Variants in CTNNA2 observed in about 807,000 individuals in gnomAD.
CTNNA2 encodes the protein catenin alpha 2.
Under a neutral mutation model 101.0 loss-of-function variants are expected in CTNNA2, and 42 were observed. The ratio of observed to expected loss-of-function variants is 0.42; its 90% CI spans 0.32 to 0.54. CTNNA2 has a LOEUF of 0.54. Among genes scored for constraint, CTNNA2 ranks in the 20% least tolerant of loss-of-function variants. The probability of loss-of-function intolerance (pLI) is 0.14; values close to 1 mark genes in which losing one functional copy is unlikely to be tolerated. For missense variants in CTNNA2, 871 were observed against 1,223.1 expected, an observed-to-expected ratio of 0.71 and a Z score of 4.29; for synonymous variants, 450 against 456.4, an observed-to-expected ratio of 0.99 and a Z score of 0.18.
intron 7 of CTNNA2, among the ~76,000 whole-genome samples, chr2:80,266,702 C>T (rs1010512623): frequency 7.2e-5 from 11 of 152,156 alleles, no homozygotes; most frequent in African/African-American, 2.7e-4. Flanking sequence ...GGCTGTACTT[C>T]ATCAGAAGAA....
chr2:79,624,745 G>A (rs987938016), intron 1 of CTNNA2, among the ~76,000 whole-genome samples: 1 of 152,158 alleles, frequency 6.6e-6, no homozygotes, highest in Non-Finnish European at 1.5e-5. Context: ...TAATCATAAA[G>A]CTTACACCCT....
intron 7 of CTNNA2, among the ~76,000 whole-genome samples, chr2:79,939,550 C>T (rs1688006163): frequency 6.6e-6 from 1 of 151,976 alleles, no homozygotes; most frequent in Non-Finnish European, 1.5e-5. Flanking sequence ...AATGCTGTTT[C>T]CTTTGGGAAT....
intron 1 of CTNNA2, among the ~76,000 whole-genome samples, chr2:79,645,511 A>G (rs532280930): frequency 6.6e-6 from 1 of 152,342 alleles, no homozygotes; most frequent in African/African-American, 2.4e-5. Context: ...CAGAGAAAAA[A>G]GCAATTCAGG....
At chr2:79,725,892 G>A (rs1397007809) in intron 2 of CTNNA2, among the ~76,000 whole-genome samples, 1 of 152,168 alleles carries the variant, frequency 6.6e-6, no homozygotes, top group Non-Finnish European at 1.5e-5. Flanking sequence ...TGAATGATGA[G>A]AGTCCACTGA....
intron 7 of CTNNA2, among the ~76,000 whole-genome samples, chr2:80,364,561 T>TC: frequency 7.6e-6 from 1 of 132,264 alleles, no homozygotes; most frequent in Non-Finnish European, 1.5e-5. Flanking sequence ...AAGTAATTTT[T>TC]TTTTTTTTTT....
intron 3 of CTNNA2, among the ~76,000 whole-genome samples, chr2:79,325,109 C>G (rs1676715952): frequency 6.6e-6 from 1 of 152,006 alleles, no homozygotes; most frequent in Admixed American, 6.6e-5. Context: ...AGGTTCAAAA[C>G]CTCCTAAAAT....
intron 7 of CTNNA2, among the ~76,000 whole-genome samples, chr2:80,246,282 T>C (rs1045792077): frequency 3.3e-5 from 5 of 152,196 alleles, no homozygotes; most frequent in Admixed American, 6.5e-5. Flanking sequence ...GAGGGAGTTA[T>C]TGAAAGCAGA....
At chr2:79,574,148 A>G (rs1011131644) in intron 1 of CTNNA2, 2 of 152,334 alleles carry the variant, frequency 1.3e-5, no homozygotes, top group African/African-American at 4.8e-5. Flanking sequence ...ATTCAATCCA[A>G]TGTTTCCTTT....
chr2:80,647,869 C>G lies in CTNNA2; in HGVS notation c.2859C>G (p.Phe953Leu). The G allele has an allele frequency of 6.3e-7, 1 of 1,581,090 alleles. No homozygotes were observed. The highest frequency in any genetic ancestry group is 8.6e-7 in the Non-Finnish European group (1 of 1,163,234). The change falls in exon 19 of 19, where the codon TTC (phenylalanine) becomes TTG (leucine). Residue 953 changes from phenylalanine (F) to leucine (L), a missense_variant. By Grantham distance (22) the Phe-to-Leu change is conservative. Transcript: ENST00000402739. ...GTGAATTCAAAGCAATGGATTCCTT[C>G]TAGGACGATAGGTTTTAACAAGAAA... Reference protein sequence around the residue: ...ALSEFKAMDSF With the variant: ...ALSEFKAMDSL
At chr2:79,340,874 A>ATGAG (rs1677121399) in intron 3 of CTNNA2, among the ~76,000 whole-genome samples, 1 of 147,674 alleles carries the variant, frequency 6.8e-6, no homozygotes, top group South Asian at 2.2e-4. Flanking sequence ...AAAGAAACAC[A>ATGAG]TGAGTACAGA....
At chr2:80,479,308 G>A (rs1685969070) in intron 9 of CTNNA2, among the ~76,000 whole-genome samples, 1 of 152,184 alleles carries the variant, frequency 6.6e-6, no homozygotes, top group African/African-American at 2.4e-5. Flanking sequence ...AGACATTTTT[G>A]GCTGCCGGAC....
intron 9 of CTNNA2, among the ~76,000 whole-genome samples, chr2:80,502,058 C>T (rs1687921055): frequency 6.6e-6 from 1 of 152,194 alleles, no homozygotes; most frequent in African/African-American, 2.4e-5. Flanking sequence ...GTCAGAGAGG[C>T]CTAGGATTGA....
chr2:79,569,635 C>T (rs1675338205), intron 1 of CTNNA2, among the ~76,000 whole-genome samples: 1 of 152,066 alleles, frequency 6.6e-6, no homozygotes, highest in Admixed American at 6.6e-5. Context: ...ATACCAGCGC[C>T]AAAAATGTAA....
At chr2:80,170,231 CTGTGTG>C (rs367680219) in intron 7 of CTNNA2, among the ~76,000 whole-genome samples, 4 of 147,464 alleles carry the variant, frequency 2.7e-5, no homozygotes, top group African/African-American at 1.0e-4. Flanking sequence ...CTCTCTCTCT[CTGTGTG>C]TGTGTGTGTG....
At chr2:79,888,512 A>C (rs1283354746) in intron 6 of CTNNA2, among the ~76,000 whole-genome samples, 2 of 152,226 alleles carry the variant, frequency 1.3e-5, no homozygotes, top group Non-Finnish European at 2.9e-5. Flanking sequence ...AATATTCCAA[A>C]ACAATTTACT....
rs547304516 is a variant in CTNNA2 at position 79,922,435 on chromosome 2, G to A, written c.1056+12638G>A. 3.7e-4 allele frequency among the ~76,000 whole-genome samples: 56 copies of A among 152,102 alleles called. No homozygotes were observed. The South Asian group carries it at 5.0e-3, about 14-fold the overall frequency. ...AAAATAGACAGATACCTCTTCTTCC[G>A]TGTATCTTATGGATGTGGTAAATGC... On this transcript the variant is annotated intron_variant, in intron 7 of 18. Coordinates refer to ENST00000402739, the MANE Select transcript of CTNNA2 (RefSeq NM_001282597.3).
intron 3 of CTNNA2, chr2:79,339,911 T>A (rs1573096007): frequency 6.6e-6 from 1 of 152,372 alleles, no homozygotes; most frequent in East Asian, 1.9e-4. Context: ...TAAGATGTTT[T>A]CTATCAACTC....
chr2:80,362,937 T>C (rs1674553681), intron 7 of CTNNA2, among the ~76,000 whole-genome samples: 1 of 150,194 alleles, frequency 6.7e-6, no homozygotes, highest in African/African-American at 2.5e-5. Flanking sequence ...GTTTGCTATA[T>C]ATCAGGCCTG....
chr2:79,207,221 G>T (rs554249698), intron 2 of CTNNA2, among the ~76,000 whole-genome samples: 112 of 152,294 alleles, frequency 7.4e-4, no homozygotes, highest in African/African-American at 2.6e-3. Context: ...GGGAGTATTT[G>T]CAAAACAGGC....
Sources: allele counts gnomAD v4.1 joint callset (sites outside exome capture counted in the v4.1 genomes callset), GRCh38; gene constraint gnomAD v4.1.1; transcripts MANE v1.5; gene names NCBI Gene and HGNC (gene_info 2026-07-23, HGNC 2026-07-21).